Variants in EML6 observed in about 807,000 individuals in gnomAD.
The protein encoded by EML6 is echinoderm microtubule-associated protein-like 6.
A neutral mutation model predicts 240.1 loss-of-function variants in EML6; 154 were observed. The ratio of observed to expected loss-of-function variants is 0.64; its 90% confidence interval spans 0.56 to 0.73. The LOEUF is 0.73. EML6 is among the 30% of genes least tolerant of loss of function. The pLI is 0.00. For synonymous variants in EML6, 1,148 were observed against 899.0 expected (o/e 1.28, Z -4.95); for missense variants, 2,964 against 2,474.6 (o/e 1.20, Z -4.20).
intron 7 of EML6, among the ~76,000 whole-genome samples, chr2:54,840,296 A>T (rs943745853): frequency 8.3e-6 from 1 of 120,688 alleles, no homozygotes; most frequent in East Asian, 3.0e-4. Flanking sequence ...TGTCTTTAAA[A>T]CAATCAATGG....
chr2:54,957,731 T>C (rs888022546), intron 32 of EML6, 59 bp from the exon 33 acceptor site: 4 of 1,497,196 alleles, frequency 2.7e-6, no homozygotes, highest in Non-Finnish European at 3.6e-6. Flanking sequence ...GGGCTGCGGC[T>C]CCCCCGGCCT....
intron 34 of EML6, 67 bp from the exon 35 acceptor site, chr2:54,960,153 G>T (rs1676429192): frequency 6.1e-6 from 7 of 1,155,930 alleles, no homozygotes; most frequent in South Asian, 4.0e-5. Context: ...AGAGGGGAGA[G>T]GGCCGGAGGG....
At chr2:54,901,042 C>T (rs1673028388) in intron 22 of EML6, among the ~76,000 whole-genome samples, 1 of 152,120 alleles carries the variant, frequency 6.6e-6, no homozygotes. Context: ...AGAAAGGTGT[C>T]AAAACAGTAG....
intron 16 of EML6, among the ~76,000 whole-genome samples, chr2:54,872,262 A>G (rs1315112228): frequency 6.6e-6 from 1 of 152,244 alleles, no homozygotes; most frequent in Non-Finnish European, 1.5e-5. Flanking sequence ...ATTTCTACCT[A>G]GAAATTTTTA....
At chr2:54,827,777 T>A in intron 6 of EML6, 26 bp downstream of exon 6, 1 of 1,514,574 alleles carries the variant, frequency 6.6e-7, no homozygotes, top group East Asian at 2.5e-5. Flanking sequence ...TGGAAATCTG[T>A]GGGTGACCTA....
At chr2:54,890,234 G>A (rs548951724) in intron 17 of EML6, among the ~76,000 whole-genome samples, 1 of 152,136 alleles carries the variant, frequency 6.6e-6, no homozygotes, top group Non-Finnish European at 1.5e-5. Flanking sequence ...TGGTCCTAAT[G>A]TATTGTTTTT....
At chr2:54,942,013 G>A (rs1675455152) in intron 28 of EML6, among the ~76,000 whole-genome samples, 1 of 152,194 alleles carries the variant, frequency 6.6e-6, no homozygotes, top group South Asian at 2.1e-4. Context: ...ACTAAAAGCT[G>A]AATCATTCGT....
intron 27 of EML6, 39 bp from the exon 28 acceptor site, chr2:54,928,586 C>A: frequency 6.4e-7 from 1 of 1,551,960 alleles, no homozygotes; most frequent in Non-Finnish European, 8.7e-7. Context: ...TGGGCCACTG[C>A]AAACCAACTG....
chr2:54,858,779 T>C (rs767243021), intron 11 of EML6, among the ~76,000 whole-genome samples: 6 of 152,198 alleles, frequency 3.9e-5, no homozygotes, highest in Non-Finnish European at 8.8e-5. Flanking sequence ...AAACATGTGA[T>C]AGTTGAACAG....
chr2:54,799,568 C>T (rs1654322696), intron 2 of EML6, among the ~76,000 whole-genome samples: 2 of 152,164 alleles, frequency 1.3e-5, no homozygotes, highest in African/African-American at 2.4e-5. Flanking sequence ...TGGTCTCGAT[C>T]TCCTGACCTC....
chr2:54,733,842 G>A (rs1476289305), intron 2 of EML6, among the ~76,000 whole-genome samples: 4 of 152,082 alleles, frequency 2.6e-5, no homozygotes, highest in Admixed American at 2.6e-4. Context: ...TCAAAGGGCT[G>A]CCCCTTTAAA....
chr2:54,904,993 T>C (rs775863261), intron 24 of EML6, among the ~76,000 whole-genome samples: 4 of 152,082 alleles, frequency 2.6e-5, no homozygotes, highest in Non-Finnish European at 4.4e-5. Flanking sequence ...TACGGTGCAG[T>C]AGATAGAGAA....
intron 6 of EML6, among the ~76,000 whole-genome samples, chr2:54,828,465 G>C (rs1668705526): frequency 6.6e-6 from 1 of 152,150 alleles, no homozygotes; most frequent in South Asian, 2.1e-4. Context: ...ATGGAAATTG[G>C]GTAAAGATGT....
chr2:54,878,722 G>A (rs73938651), intron 16 of EML6, among the ~76,000 whole-genome samples: 6,098 of 152,154 alleles, frequency 0.04, 413 homozygotes, highest in African/African-American at 0.14. Flanking sequence ...TATACATAGG[G>A]ATTTACAGTA....
intron 2 of EML6, among the ~76,000 whole-genome samples, chr2:54,739,603 C>T (rs2103639690): frequency 6.6e-6 from 1 of 152,364 alleles, no homozygotes; most frequent in African/African-American, 2.4e-5. Context: ...GCACACAGCA[C>T]ACATCTCCTC....
At chr2:54,753,568 G>A (rs529535294) in intron 2 of EML6, among the ~76,000 whole-genome samples, 2 of 152,118 alleles carry the variant, frequency 1.3e-5, no homozygotes, top group South Asian at 2.1e-4. Context: ...GGACCTGCTA[G>A]CCAAGAAATG....
rs1241603868 is a variant in EML6 at position 54,968,244 on chromosome 2, T to C, written c.5714T>C (p.Leu1905Pro). Residue 1905 changes from leucine (L) to proline (P), a missense_variant, in exon 40 of 42, where the codon CTG becomes CCG. Leu to Pro is a moderately conservative substitution (Grantham distance 98). Coordinates refer to ENST00000356458, the MANE Select transcript of EML6 (RefSeq NM_001039753.4). ...ATTGTCACAGGAGATGACTTTGGGCTGGTGAAGCTCTTTGATTTTCCATGC... is the reference window on the plus strand; with the variant it reads ...ATTGTCACAGGAGATGACTTTGGGCCGGTGAAGCTCTTTGATTTTCCATGC... ...LNIVTGDDFGLVKLFDFPCTE... is the reference protein window; with the variant it reads ...LNIVTGDDFGPVKLFDFPCTE... 1 of 1,551,644 alleles carries C rather than the reference T, an allele frequency of 6.4e-7. No individual in the cohort carries two copies. The highest frequency in any genetic ancestry group is 8.7e-7 in the Non-Finnish European group (1 of 1,146,998).
In EML6 at chr2:54,725,002, G is replaced by T; in HGVS notation, c.-60G>T. The T allele has an allele frequency of 7.3e-6, 10 of 1,376,006 alleles. No homozygotes were observed. The highest frequency in any genetic ancestry group is 9.4e-6 in the Non-Finnish European group (10 of 1,063,236). The allele number at this position is 1,376,006 out of a possible 1,614,324, so 85.2% of individuals were successfully genotyped here. ...CCCCTGCAGGTCCGCCGCAGCCCCA[G>T]CCTCGGCGAGGACGGCCCCGGCGCG... On this transcript the variant is annotated 5_prime_UTR_variant, in exon 2 of 42. Transcript: ENST00000356458. The surrounding 1 kb of genome is among the most constrained non-coding windows in gnomAD (Gnocchi z 4.3).
At chr2:54,926,216 C>G (rs1214515096) in intron 26 of EML6, among the ~76,000 whole-genome samples, 2 of 152,208 alleles carry the variant, frequency 1.3e-5, no homozygotes, top group Non-Finnish European at 2.9e-5. Flanking sequence ...ATTCTCCTGC[C>G]TCAGCCTCCC....
Sources: gnomAD v4.1 joint callset for allele counts (sites outside exome capture counted in the v4.1 genomes callset) on GRCh38, gnomAD v4.1.1 for gene constraint, Gnocchi (gnomAD v3.1) non-coding constraint, MANE v1.5 for transcripts, NCBI Gene and HGNC (gene_info 2026-07-23, HGNC 2026-07-21) for gene names.